Variants in CFAP299 observed in about 807,000 individuals in gnomAD.
The protein encoded by CFAP299 is cilia and flagella associated protein 299.
CFAP299 carries 21 observed loss-of-function variants against 27.0 expected under a neutral mutation model. That is an observed-to-expected ratio of 0.78 (90% CI 0.55 to 1.12). CFAP299 has a LOEUF of 1.12. Ranked by LOEUF, CFAP299 falls within the 50% of genes most tolerant of loss-of-function variation. The pLI is 0.00. For synonymous variants in CFAP299, 104 were observed against 98.1 expected (o/e 1.06, Z -0.36); for missense variants, 310 against 276.6 (o/e 1.12, Z -0.86).
At chr4:80,652,367 G>T (rs373545926) in intron 3 of CFAP299, among the ~76,000 whole-genome samples, 7 of 151,998 alleles carry the variant, frequency 4.6e-5, no homozygotes, top group African/African-American at 1.7e-4. Context: ...AGTAAGAAAT[G>T]AAAAACATAA....
intron 4 of CFAP299, among the ~76,000 whole-genome samples, chr4:80,902,300 C>CATTATTTTATCCATATATATATGGATT (rs1560469522): frequency 4.7e-5 from 7 of 147,956 alleles, no homozygotes; most frequent in Non-Finnish European, 8.9e-5. Flanking sequence ...TTCTTTATAT[C>CATTATTTTATCCATATATATATGGATT]ATTATTTTAT....
intron 2 of CFAP299, among the ~76,000 whole-genome samples, chr4:80,424,620 G>A (rs1039796717): frequency 2.0e-5 from 3 of 152,114 alleles, no homozygotes; most frequent in Non-Finnish European, 2.9e-5. Context: ...AGTGATAATT[G>A]TGTTACTACC....
At chr4:80,555,020 G>A (rs1734717296) in intron 2 of CFAP299, among the ~76,000 whole-genome samples, 4 of 152,046 alleles carry the variant, frequency 2.6e-5, no homozygotes. Flanking sequence ...GCTCTGGCTG[G>A]GATTTCCAAT....
chr4:80,323,662 TTAA>T, the CFAP299 span, among the ~76,000 whole-genome samples: 2 of 152,320 alleles, frequency 1.3e-5, no homozygotes, highest in Admixed American at 6.5e-5. Context: ...ATTATAATGG[TTAA>T]TAAATTATAT....
chr4:80,617,613 C>G (rs1738357983), intron 3 of CFAP299, among the ~76,000 whole-genome samples: 1 of 152,090 alleles, frequency 6.6e-6, no homozygotes, highest in Middle Eastern at 3.2e-3. Flanking sequence ...AAAATTACTT[C>G]AAATTACTTC....
intron 2 of CFAP299, among the ~76,000 whole-genome samples, chr4:80,437,328 C>T (rs1050597113): frequency 6.6e-6 from 1 of 152,040 alleles, no homozygotes; most frequent in African/African-American, 2.4e-5. Context: ...ACCTACTTGC[C>T]CACTACTAAT....
chr4:80,865,719 C>G (rs907801115), intron 3 of CFAP299, among the ~76,000 whole-genome samples: 50 of 151,906 alleles, frequency 3.3e-4, no homozygotes, highest in Non-Finnish European at 1.2e-4. Context: ...CACATATACA[C>G]CATGGAATAC....
intron 2 of CFAP299, among the ~76,000 whole-genome samples, chr4:80,441,797 G>A (rs1055995770): frequency 2.0e-5 from 3 of 152,148 alleles, no homozygotes; most frequent in Admixed American, 6.5e-5. Flanking sequence ...CAGTGTGCTT[G>A]TATTCAGGAG....
intron 3 of CFAP299, among the ~76,000 whole-genome samples, chr4:80,852,639 C>T (rs1220167053): frequency 6.6e-6 from 1 of 152,166 alleles, no homozygotes; most frequent in East Asian, 1.9e-4. Flanking sequence ...GAACCAACTT[C>T]CTTTCTCTGT....
chr4:80,892,946 T>C (rs1734416684), intron 4 of CFAP299, among the ~76,000 whole-genome samples: 1 of 151,980 alleles, frequency 6.6e-6, no homozygotes, highest in South Asian at 2.1e-4. Context: ...CTATCTCTAT[T>C]TGCAGATGAC....
intron 3 of CFAP299, among the ~76,000 whole-genome samples, chr4:80,844,566 C>G (rs186815327): frequency 9.9e-5 from 15 of 152,212 alleles, no homozygotes; most frequent in Non-Finnish European, 1.5e-4. Flanking sequence ...TGAGAATTGT[C>G]TGTTCATATC....
chr4:80,541,494 A>T (rs764012881), intron 2 of CFAP299, among the ~76,000 whole-genome samples: 1 of 152,226 alleles, frequency 6.6e-6, no homozygotes, highest in Non-Finnish European at 1.5e-5. Context: ...TACTCAGTGT[A>T]TATCACAGAT....
chr4:80,858,108 A>G (rs1294296519), intron 3 of CFAP299, among the ~76,000 whole-genome samples: 2 of 152,204 alleles, frequency 1.3e-5, no homozygotes, highest in Admixed American at 1.3e-4. Flanking sequence ...CTATTCAGAG[A>G]TTCAACTTCT....
At chr4:80,675,143 C>A (rs1367544832) in intron 3 of CFAP299, among the ~76,000 whole-genome samples, 3 of 152,200 alleles carry the variant, frequency 2.0e-5, no homozygotes, top group Non-Finnish European at 4.4e-5. Flanking sequence ...CCTCTGATTT[C>A]TCCCCATCTT....
chr4:80,574,819 A>G (rs988282338), intron 2 of CFAP299, among the ~76,000 whole-genome samples: 9 of 152,144 alleles, frequency 5.9e-5, no homozygotes, highest in Non-Finnish European at 2.9e-5. Context: ...CCACTTGGTC[A>G]TGATACATAA....
rs529959441 is a variant in CFAP299, at chr4:80,379,906, G to A, written c.242+17022G>A. 9.9e-5 allele frequency among the ~76,000 whole-genome samples: 15 copies of A among 152,070 alleles called. No homozygotes were observed. The Middle Eastern group carries it at 0.014, about 138-fold the overall frequency. On this transcript the variant is annotated intron_variant, in intron 2 of 5. Coordinates refer to ENST00000358105, the MANE Select transcript of CFAP299 (RefSeq NM_152770.3). ...TTTTAGAATTACTATTCTAAAAATAGCAATTAAGCCAAGTTGCTTGATTGT... is the reference window on the plus strand; with the variant it reads ...TTTTAGAATTACTATTCTAAAAATAACAATTAAGCCAAGTTGCTTGATTGT...
intron 2 of CFAP299, among the ~76,000 whole-genome samples, chr4:80,499,151 C>T (rs1731610647): frequency 6.6e-6 from 1 of 152,084 alleles, no homozygotes; most frequent in Admixed American, 6.6e-5. Context: ...TGCTTATTAC[C>T]TGGGTGGTGA....
intron 2 of CFAP299, among the ~76,000 whole-genome samples, chr4:80,550,804 C>CA (rs1229120375): frequency 6.6e-6 from 1 of 151,754 alleles, no homozygotes; most frequent in East Asian, 1.9e-4. Flanking sequence ...CACACGCATA[C>CA]ACATGCATAG....
chr4:80,796,846 T>C (rs1281794594), intron 3 of CFAP299, among the ~76,000 whole-genome samples: 1 of 152,156 alleles, frequency 6.6e-6, no homozygotes, highest in African/African-American at 2.4e-5. Flanking sequence ...CACTTCCATT[T>C]GCCCTTTCCC....
Sources: allele counts gnomAD v4.1 joint callset (sites outside exome capture counted in the v4.1 genomes callset), GRCh38; gene constraint gnomAD v4.1.1; transcripts MANE v1.5; gene names NCBI Gene and HGNC (gene_info 2026-07-23, HGNC 2026-07-21).